The following HERC4 variants were observed in gnomAD, a reference collection of about 807,000 sequenced individuals.
The protein encoded by HERC4 is HECT and RLD domain containing E3 ubiquitin protein ligase 4, also known as probable E3 ubiquitin-protein ligase HERC4.
Under a neutral mutation model 124.3 loss-of-function variants are expected in HERC4, and 28 were observed. The ratio of observed to expected loss-of-function variants is 0.23; its 90% CI spans 0.17 to 0.31. The LOEUF is 0.31. Among genes scored for constraint, HERC4 ranks in the 10% least tolerant of loss-of-function variants. The pLI, the probability that HERC4 is intolerant of heterozygous loss-of-function variation, is 1.00. For synonymous variants in HERC4, 407 were observed against 421.5 expected, an observed-to-expected ratio of 0.97 and a Z score of 0.42; for missense variants, 713 against 1,229.3, an observed-to-expected ratio of 0.58 and a Z score of 6.28.
At chr10:68,062,395 C>A (rs542334251) in intron 3 of HERC4, among the ~76,000 whole-genome samples, 1 of 152,186 alleles carries the variant, frequency 6.6e-6, no homozygotes, top group Non-Finnish European at 1.5e-5. Flanking sequence ...ATCTGGTTAC[C>A]AAAGCCTGTC....
intron 15 of HERC4, among the ~76,000 whole-genome samples, chr10:67,967,963 T>C (rs1257612321): frequency 6.6e-6 from 1 of 151,568 alleles, no homozygotes; most frequent in Non-Finnish European, 1.5e-5. Flanking sequence ...GGAATTCTGG[T>C]ACTAAATATG....
chr10:67,971,118 CTA>C (rs1372560830), intron 15 of HERC4, among the ~76,000 whole-genome samples: 2 of 151,918 alleles, frequency 1.3e-5, no homozygotes, highest in African/African-American at 4.8e-5. Context: ...CCTGAAATGT[CTA>C]TATTTATTTT....
rs1484315542 is a variant in HERC4 at position 67,922,782 on chromosome 10, T to A, written c.*149A>T. 4 of 539,932 alleles carry A rather than the reference T, an allele frequency of 7.4e-6. No homozygotes were observed. The African/African-American group carries it at 7.4e-5, about 10-fold the overall frequency. 33.4% of individuals were successfully genotyped at this position (539,932 alleles called of 1,614,324 possible). ...CAGTTTGTTCATTTTCCTTTAATAT[T>A]TTTTGGCTTCCATGAACACTCGTAG... On this transcript the variant is annotated 3_prime_UTR_variant, in exon 25 of 25. Coordinates refer to ENST00000373700, the MANE Select transcript of HERC4 (RefSeq NM_015601.4).
At chr10:67,938,437 CAAAAAAAAAGAA>C (rs1450323761) in intron 21 of HERC4, among the ~76,000 whole-genome samples, 7 of 91,632 alleles carry the variant, frequency 7.6e-5, no homozygotes, top group South Asian at 3.4e-4. Flanking sequence ...GATTCTGTCT[CAAAAAAAAAGAA>C]AAAAAAAAAG....
chr10:68,044,281 G>A, intron 4 of HERC4, 123 bp downstream of exon 4: 1 of 821,750 alleles, frequency 1.2e-6, no homozygotes, highest in South Asian at 2.4e-5. Flanking sequence ...CTTATCAAAG[G>A]ACTCAAAGGG....
chr10:68,008,797 T>C (rs2037747880), intron 9 of HERC4, among the ~76,000 whole-genome samples: 1 of 152,158 alleles, frequency 6.6e-6, no homozygotes. Context: ...GATATATGAA[T>C]AGATAAACAA....
chr10:67,931,216 C>T (rs1416445120), intron 23 of HERC4, among the ~76,000 whole-genome samples: 3 of 151,562 alleles, frequency 2.0e-5, no homozygotes, highest in Non-Finnish European at 2.9e-5. Context: ...GATCTCTTAA[C>T]CTCGTGATCC....
chr10:68,004,478 T>C (rs1589295877), intron 9 of HERC4, among the ~76,000 whole-genome samples: 1 of 152,218 alleles, frequency 6.6e-6, no homozygotes, highest in Non-Finnish European at 1.5e-5. Flanking sequence ...CCCAGACCAA[T>C]GTCCTGGAGA....
intron 7 of HERC4, among the ~76,000 whole-genome samples, chr10:68,030,650 A>C (rs1256773206): frequency 6.6e-6 from 1 of 152,168 alleles, no homozygotes; most frequent in African/African-American, 2.4e-5. Flanking sequence ...TAACTCATGG[A>C]CATTTGGATT....
chr10:67,987,611 A>AT (rs1564514356), intron 15 of HERC4, among the ~76,000 whole-genome samples: 1 of 152,180 alleles, frequency 6.6e-6, no homozygotes. Flanking sequence ...AAAGGCAAAC[A>AT]TAAGAATGAC....
intron 9 of HERC4, among the ~76,000 whole-genome samples, chr10:67,999,047 A>G (rs1195080142): frequency 1.3e-5 from 2 of 152,194 alleles, no homozygotes; most frequent in Non-Finnish European, 2.9e-5. Flanking sequence ...GAGTTTTATA[A>G]AAATAAAATA....
At chr10:68,007,785 A>C (rs1455433146) in intron 9 of HERC4, 2 of 151,674 alleles carry the variant, frequency 1.3e-5, no homozygotes, top group African/African-American at 2.4e-5. Flanking sequence ...CGATCCCACT[A>C]CTGATCAGCA....
At chr10:68,033,936 C>T in intron 6 of HERC4, 29 bp downstream of exon 6, 1 of 1,572,952 alleles carries the variant, frequency 6.4e-7, no homozygotes. Context: ...TCAAAAAGTA[C>T]ACTTAAACTA....
chr10:68,040,161 C>T, intron 4 of HERC4: 8 of 981,390 alleles, frequency 8.2e-6, no homozygotes, highest in Non-Finnish European at 8.5e-6. Flanking sequence ...ATAAAATTTG[C>T]CAAAAATTTT....
At chr10:67,974,504 T>C (rs1042085082) in intron 15 of HERC4, among the ~76,000 whole-genome samples, 2 of 152,174 alleles carry the variant, frequency 1.3e-5, no homozygotes, top group African/African-American at 4.8e-5. Flanking sequence ...TCAGTAAATA[T>C]ATAAATCTAA....
At chr10:68,035,031 A>T (rs1321834192) in intron 5 of HERC4, among the ~76,000 whole-genome samples, 1 of 152,136 alleles carries the variant, frequency 6.6e-6, no homozygotes, top group Admixed American at 6.6e-5. Flanking sequence ...TAACAACTGC[A>T]CTAAATAACT....
chr10:67,927,403 TATATATATATATATATATATATATATA>T (rs1364134390), intron 23 of HERC4, among the ~76,000 whole-genome samples: 125 of 20,662 alleles, frequency 6.0e-3, no homozygotes, highest in African/African-American at 6.8e-3. Flanking sequence ...TATATATATA[TATATATATATATATATATATATATATA>T]TTTTTTTTTT....
At chr10:67,955,405 G>C in intron 17 of HERC4, 1 of 238,906 alleles carries the variant, frequency 4.2e-6, no homozygotes, top group Non-Finnish European at 7.9e-6. Flanking sequence ...ATAAATCTGA[G>C]CATTGGTTTT....
At chr10:67,944,145 G>T (rs2033140239) in intron 19 of HERC4, among the ~76,000 whole-genome samples, 1 of 152,236 alleles carries the variant, frequency 6.6e-6, no homozygotes, top group African/African-American at 2.4e-5. Flanking sequence ...CCTTAGGTGA[G>T]ACCCAGTGCT....
Sources: allele counts gnomAD v4.1 joint callset (sites outside exome capture counted in the v4.1 genomes callset), GRCh38; gene constraint gnomAD v4.1.1; transcripts MANE v1.5; gene names NCBI Gene and HGNC (gene_info 2026-07-23, HGNC 2026-07-21).